Variants in NBPF14 observed in about 807,000 individuals in gnomAD.
NBPF14 encodes the protein NBPF member 14.
Under a neutral mutation model 91.2 loss-of-function variants are expected in NBPF14, and 104 were observed. That is an observed-to-expected ratio of 1.14 (90% CI 0.97 to 1.34). NBPF14 has a LOEUF of 1.34. Ranked by LOEUF, NBPF14 falls within the 40% of genes most tolerant of loss-of-function variation. The pLI is 0.00. For synonymous variants in NBPF14, 294 were observed against 303.8 expected, an observed-to-expected ratio of 0.97 and a Z score of 0.34; for missense variants, 908 against 783.0, an observed-to-expected ratio of 1.16 and a Z score of -1.91.
Position 148,534,995 on chromosome 1 carries a change from C to T in NBPF14, c.8442-139G>A, listed in dbSNP as rs1348334678. On this transcript the variant is annotated intron_variant, in intron 68 of 70. Transcript: ENST00000619423. ...CATTAATGAGGTAACGAATTATTGC[C>T]TTTATGTTGGGATAGACCAGGGCCA... 4.9e-5 allele frequency: 35 copies of T among 714,474 alleles called. No individual in the cohort carries two copies. In the African/African-American group the frequency reaches 5.3e-4, roughly 11 times the overall value. The allele number at this position is 714,474 out of a possible 1,614,324, so 44.3% of individuals were successfully genotyped here.
At chr1:148,533,401 T>G (rs1654085924) in intron 70 of NBPF14, among the ~76,000 whole-genome samples, 153 bp from the exon 71 acceptor site, 1 of 148,404 alleles carries the variant, frequency 6.7e-6, no homozygotes, top group Admixed American at 6.8e-5. Flanking sequence ...GCCTTTATGT[T>G]GGGATAGAAC....
intron 8 of NBPF14, 132 bp downstream of exon 8, chr1:148,587,169 T>G: frequency 1.4e-6 from 1 of 728,986 alleles, no homozygotes; most frequent in Non-Finnish European, 2.4e-6. Flanking sequence ...AATATTTGTG[T>G]GTAGCGAGCC....
chr1:148,595,621 G>C (rs1663188635), exon 2 of NBPF14: 2 of 1,514,670 alleles, frequency 1.3e-6, no homozygotes, highest in East Asian at 4.5e-5. Flanking sequence ...CTGAACTGCT[G>C]TTTCTTCTCT....
exon 37 of NBPF14, chr1:148,559,935 C>A (rs1245199126): frequency 1.5e-6 from 2 of 1,375,526 alleles, no homozygotes; most frequent in Non-Finnish European, 2.0e-6. Context: ...AGACTTCAGG[C>A]CCTTTCTCAT....
intron 14 of NBPF14, among the ~76,000 whole-genome samples, chr1:148,577,578 TCACA>T (rs1570994221): frequency 8.3e-6 from 1 of 120,246 alleles, no homozygotes; most frequent in African/African-American, 3.6e-5. Flanking sequence ...ACACACACAC[TCACA>T]CACACACAGA....
At chr1:148,593,914 C>T (rs1662898458) in intron 2 of NBPF14, among the ~76,000 whole-genome samples, 2 of 149,994 alleles carry the variant, frequency 1.3e-5, no homozygotes, top group South Asian at 2.1e-4. Context: ...AACTCAAGGG[C>T]ACATCAAGGA....
chr1:148,572,657 C>A (rs1659275210), intron 20 of NBPF14, 42 bp from the exon 21 acceptor site: 3 of 654,258 alleles, frequency 4.6e-6, no homozygotes, highest in East Asian at 2.7e-5. Flanking sequence ...CAGGGGGAAT[C>A]AGAAACCACA....
rs1205223745 is a variant in NBPF14, at chr1:148,560,044, C to T, written c.4557-79G>A. On this transcript the variant is annotated intron_variant, in intron 36 of 70. Coordinates refer to ENST00000619423, the Ensembl canonical transcript of NBPF14. Reference sequence around the variant, plus strand: ...AGCCCCAGCTAGATTTCATGGCTAACGTAAGGAAGAGTTTGAAAAGAAAAA... The same window carrying T: ...AGCCCCAGCTAGATTTCATGGCTAATGTAAGGAAGAGTTTGAAAAGAAAAA... The T allele has an allele frequency of 6.2e-5, 43 of 689,886 alleles. 1 individual carries two copies. The highest frequency in any genetic ancestry group is 9.3e-5 in the Non-Finnish European group (36 of 386,560). The allele number at this position is 689,886 out of a possible 1,614,324, so 42.7% of individuals were successfully genotyped here.
chr1:148,535,313 A>G, intron 68 of NBPF14, 140 bp downstream of exon 68: 1 of 613,912 alleles, frequency 1.6e-6, no homozygotes, highest in South Asian at 1.9e-5. Flanking sequence ...CATCTACTGC[A>G]ATGAAAACCA....
Sources: allele counts gnomAD v4.1 joint callset (sites outside exome capture counted in the v4.1 genomes callset), GRCh38; gene constraint gnomAD v4.1.1; transcripts MANE v1.5; gene names NCBI Gene and HGNC (gene_info 2026-07-23, HGNC 2026-07-21).